Variants in TET1 observed in about 807,000 individuals in gnomAD.
TET1 encodes methylcytosine dioxygenase TET1.
TET1 carries 13 observed loss-of-function variants against 148.7 expected under a neutral mutation model. The observed-to-expected ratio is 0.09, with a 90% confidence interval of 0.06 to 0.14. The LOEUF is 0.14. Among genes scored for constraint, TET1 ranks in the 10% least tolerant of loss-of-function variants. TET1 has a pLI of 1.00. For missense variants in TET1, 2,182 were observed against 2,553.8 expected, an observed-to-expected ratio of 0.85 and a Z score of 3.14; for synonymous variants, 907 against 937.2, an observed-to-expected ratio of 0.97 and a Z score of 0.59.
intron 7 of TET1, among the ~76,000 whole-genome samples, chr10:68,668,635 G>T (rs1267028593): frequency 6.6e-6 from 1 of 152,072 alleles, no homozygotes; most frequent in Admixed American, 6.6e-5. Flanking sequence ...GCTGGAGTGC[G>T]GTGGCGCAAT....
intron 3 of TET1, among the ~76,000 whole-genome samples, chr10:68,628,500 C>T (rs1040417278): frequency 4.6e-5 from 7 of 152,128 alleles, no homozygotes; most frequent in African/African-American, 1.7e-4. Context: ...GGGACAAGCA[C>T]CAAGATCTGT....
chr10:68,588,310 A>G (rs763563198), intron 2 of TET1, among the ~76,000 whole-genome samples: 2 of 152,242 alleles, frequency 1.3e-5, no homozygotes, highest in Non-Finnish European at 2.9e-5. Flanking sequence ...AGTGAGCAGT[A>G]TAGCATTAAG....
intron 8 of TET1, among the ~76,000 whole-genome samples, chr10:68,674,134 T>G (rs939894241): frequency 7.9e-5 from 12 of 151,880 alleles, no homozygotes; most frequent in Non-Finnish European, 1.8e-4. Context: ...CCAGCTAATT[T>G]AGTATTTTTA....
intron 3 of TET1, among the ~76,000 whole-genome samples, chr10:68,641,937 T>C (rs1589104588): frequency 6.6e-6 from 1 of 152,228 alleles, no homozygotes; most frequent in Non-Finnish European, 1.5e-5. Flanking sequence ...TAGGTAGGAC[T>C]ACAGGTTCAT....
chr10:68,665,007 A>G (rs1471738750), intron 6 of TET1, among the ~76,000 whole-genome samples: 1 of 151,982 alleles, frequency 6.6e-6, no homozygotes, highest in Non-Finnish European at 1.5e-5. Context: ...CTTGGCCTCA[A>G]GCAATCCTCT....
At chr10:68,617,382 A>C in intron 3 of TET1, among the ~76,000 whole-genome samples, 1 of 149,550 alleles carries the variant, frequency 6.7e-6, no homozygotes, top group Non-Finnish European at 1.5e-5. Context: ...CTGGTCTTGA[A>C]CTCCCAGCCT....
chr10:68,664,889 C>A (rs959555944), intron 6 of TET1, among the ~76,000 whole-genome samples: 2 of 151,870 alleles, frequency 1.3e-5, no homozygotes, highest in South Asian at 2.1e-4. Context: ...ATCCTCCCCC[C>A]TCAGCCTTCT....
At chr10:68,567,647 A>C (rs1323695169) in intron 1 of TET1, among the ~76,000 whole-genome samples, 1 of 151,506 alleles carries the variant, frequency 6.6e-6, no homozygotes, top group Non-Finnish European at 1.5e-5. Flanking sequence ...TGGGAGGCTG[A>C]GGCGGGTAGA....
At chr10:68,589,372 T>C (rs908105969) in intron 2 of TET1, among the ~76,000 whole-genome samples, 1 of 152,202 alleles carries the variant, frequency 6.6e-6, no homozygotes, top group Non-Finnish European at 1.5e-5. Flanking sequence ...GGTTATATTA[T>C]GATGCAATTA....
chr10:68,610,535 G>C lies in TET1; in HGVS notation c.1968+9501G>C, dbSNP rs112660533. Among the ~76,000 whole-genome samples the C allele has an allele frequency of 4.2e-3, 639 of 150,622 alleles. 4 individuals are homozygous for C. Among genetic ancestry groups the C allele is most frequent in the African/African-American group, 0.015 (604 of 40,972 alleles). On this transcript the variant is annotated intron_variant, in intron 3 of 11. Coordinates refer to ENST00000373644, the MANE Select transcript of TET1 (RefSeq NM_030625.3). The stretch of plus-strand genomic sequence containing the variant: ...GAACCCAGGGGGCGGAGGTTGCAGT[G>C]AGTTGAGATCGCCCACTGCACTCCA...
Position 68,682,687 on chromosome 10 carries a change from T to G in TET1, c.4915-149T>G. 3.4e-6 allele frequency: 3 copies of G among 879,620 alleles called. No homozygotes were observed. In the South Asian group the frequency reaches 5.8e-5, roughly 17 times the overall value. 54.5% of individuals were successfully genotyped at this position (879,620 alleles called of 1,614,324 possible). On this transcript the variant is annotated intron_variant, in intron 9 of 11. Coordinates refer to ENST00000373644, the MANE Select transcript of TET1 (RefSeq NM_030625.3). ...TGCTTTCTCCTGAATGTTGCTAAGC[T>G]ACACCTTCATGACAATAATACATTT...
chr10:68,651,842 A>G lies in TET1; in HGVS notation c.4277-4A>G, dbSNP rs1353657560. 2 of 1,609,334 alleles carry G rather than the reference A, an allele frequency of 1.2e-6. No individual in the cohort carries two copies. Among genetic ancestry groups the G allele is most frequent in the Non-Finnish European group, 8.5e-7 (1 of 1,177,836 alleles). On this transcript the variant is annotated splice_polypyrimidine_tract_variant and splice_region_variant and intron_variant, in intron 4 of 11. Coordinates refer to ENST00000373644, the MANE Select transcript of TET1 (RefSeq NM_030625.3). ...TGGGTCTAATAATCTTATTCCTTCC[A>G]CAGATCGAGTTATACAAAAAGACAA...
chr10:68,595,983 T>C (rs6480344), intron 2 of TET1, among the ~76,000 whole-genome samples: 1,611 of 50,120 alleles, frequency 0.032, 65 homozygotes, highest in African/African-American at 0.061. Flanking sequence ...CACACATATA[T>C]ACACACACAC....
intron 10 of TET1, among the ~76,000 whole-genome samples, chr10:68,683,588 ATTT>A (rs2055468301): frequency 6.6e-6 from 1 of 151,886 alleles, no homozygotes; most frequent in African/African-American, 2.4e-5. Flanking sequence ...AATTTTTTGT[ATTT>A]TTAGTAGAGA....
rs763448695 is a variant in TET1 at position 68,645,687 on chromosome 10, T to G, written c.2958T>G (p.Thr986=). ...CCAACTCACATATCAACTCAGCTAC[T>G]AACCAAGCATCCACAAAGTCACATG... ...TLSNSHINSA[T]NQASTKSHEY... is the part of the protein sequence containing the mutation. Residue 986 remains threonine (T), a synonymous_variant, in exon 4 of 12, where the codon ACT becomes ACG. Transcript: ENST00000373644. 74 of 1,614,080 alleles carry G rather than the reference T, an allele frequency of 4.6e-5. 1 individual carries two copies. Among genetic ancestry groups the G allele is most frequent in the Non-Finnish European group, 1.5e-5 (18 of 1,180,042 alleles).
At position 68,574,087 on chromosome 10, in the gene TET1, G is replaced by C. The variant is rs776152780; in HGVS notation, c.1749G>C (p.Leu583Phe). The C allele has an allele frequency of 6.2e-7, 1 of 1,614,094 alleles. No individual in the cohort carries two copies. The highest frequency in any genetic ancestry group is 1.1e-5 in the South Asian group (1 of 91,078). ...SSSYTTLLPT[L>F]EKKKRKRCGV... ...CCTATACCACTTTGCTACCGACTTT[G>C]GAAAAGAAGAAAAGAAAGCGATGTG... Residue 583 changes from leucine to phenylalanine, a missense_variant, in exon 2 of 12, where the codon TTG (leucine) becomes TTC (phenylalanine). By Grantham distance (22) the Leu-to-Phe change is conservative (BLOSUM62 0). Coordinates refer to ENST00000373644, the MANE Select transcript of TET1 (RefSeq NM_030625.3).
chr10:68,672,775 A>G (rs2055293335), intron 7 of TET1, 120 bp from the exon 8 acceptor site: 4 of 668,120 alleles, frequency 6.0e-6, no homozygotes, highest in Non-Finnish European at 9.5e-6. Flanking sequence ...AATATAATAG[A>G]TAAGTGTTAT....
chr10:68,590,819 T>A (rs1476390247), intron 2 of TET1, among the ~76,000 whole-genome samples: 1 of 151,986 alleles, frequency 6.6e-6, no homozygotes, highest in Non-Finnish European at 1.5e-5. Flanking sequence ...ATTTAAAAAA[T>A]ATATAAAGCT....
At chr10:68,626,096 A>T (rs2054474823) in intron 3 of TET1, among the ~76,000 whole-genome samples, 1 of 93,622 alleles carries the variant, frequency 1.1e-5, no homozygotes, top group Admixed American at 1.1e-4. Context: ...TCTCAAAAAA[A>T]AGAAAAAAAA....
Sources: gnomAD v4.1 joint callset for allele counts (sites outside exome capture counted in the v4.1 genomes callset) on GRCh38, gnomAD v4.1.1 for gene constraint, MANE v1.5 for transcripts, NCBI Gene and HGNC (gene_info 2026-07-23, HGNC 2026-07-21) for gene names.